Variants in UBAP2 observed in about 807,000 individuals in gnomAD.
UBAP2 encodes the protein ubiquitin-associated protein 2.
In UBAP2, 75 loss-of-function variants were observed where a neutral mutation model predicts 139.6. That is an observed-to-expected ratio of 0.54 (90% CI 0.45 to 0.65). The LOEUF (loss-of-function observed/expected upper bound fraction) is 0.65, where lower values mean the gene tolerates loss of function less well. Ranked by LOEUF, UBAP2 falls within the 30% of genes least tolerant of loss-of-function variation. UBAP2 has a pLI of 0.00. For missense variants in UBAP2, 1,368 were observed against 1,369.6 expected (o/e 1.00, Z 0.02); for synonymous variants, 526 against 526.2 (o/e 1.00, Z 0.01).
intron 1 of UBAP2, among the ~76,000 whole-genome samples, chr9:34,048,484 A>G (rs1021596156): frequency 1.3e-5 from 2 of 152,138 alleles, no homozygotes; most frequent in Admixed American, 6.5e-5. Context: ...GTCTACTGGC[A>G]GGCACCGAGG....
chr9:33,928,729 A>T (rs1823703790), intron 19 of UBAP2: 1 of 152,408 alleles, frequency 6.6e-6, no homozygotes, highest in South Asian at 2.1e-4. Flanking sequence ...CCGAGCAGGT[A>T]GGTGGGGGGC....
intron 3 of UBAP2, 196 bp downstream of exon 3, chr9:33,998,591 T>C (rs943940905): frequency 1.9e-6 from 1 of 523,470 alleles, no homozygotes; most frequent in Non-Finnish European, 3.4e-6. Flanking sequence ...GTAAGGCAGG[T>C]GAACGTATTC....
At chr9:34,010,194 C>T (rs1473106922) in intron 2 of UBAP2, among the ~76,000 whole-genome samples, 1 of 146,644 alleles carries the variant, frequency 6.8e-6, no homozygotes. Flanking sequence ...GAGGTCAAGG[C>T]GGGCAGATCA....
At chr9:34,049,106 T>C (rs1474308551), upstream of UBAP2, among the ~76,000 whole-genome samples, 1 of 152,172 alleles carries the variant, frequency 6.6e-6, no homozygotes, top group Non-Finnish European at 1.5e-5. Flanking sequence ...GGAGACTTGA[T>C]AATATGTATT....
chr9:33,944,127 T>C (rs1307787977), intron 14 of UBAP2, among the ~76,000 whole-genome samples: 1 of 152,144 alleles, frequency 6.6e-6, no homozygotes, highest in African/African-American at 2.4e-5. Context: ...GAACAACAGT[T>C]CTCTGAGCCA....
Position 33,998,787 on chromosome 9 carries a change from C to A in UBAP2, c.177G>T (p.Gln59His). Reference protein sequence around the residue: ...NDSDFEAKVKQLMEVTGKNQD... With the variant: ...NDSDFEAKVKHLMEVTGKNQD... Reference sequence around the variant, plus strand: ...ATGATATCCTTTGCCAGAAACATACCTGCTTAACTTTAGCTTCAAAATCTG... The same window carrying A: ...ATGATATCCTTTGCCAGAAACATACATGCTTAACTTTAGCTTCAAAATCTG... The change falls in exon 3 of 29, where the codon CAG (glutamine) becomes CAT (histidine). Residue 59 changes from glutamine to histidine, a missense_variant and splice_region_variant. Coordinates refer to ENST00000379238, the MANE Select transcript of UBAP2 (RefSeq NM_001370062.2). 1 of 1,610,508 alleles carries A rather than the reference C, an allele frequency of 6.2e-7. No individual in the cohort carries two copies. Among genetic ancestry groups the A allele is most frequent in the Non-Finnish European group, 8.5e-7 (1 of 1,178,720 alleles).
chr9:33,997,222 G>C (rs1276285153), intron 3 of UBAP2: 1 of 152,174 alleles, frequency 6.6e-6, no homozygotes, highest in East Asian at 1.9e-4. Flanking sequence ...ATTCTCATTA[G>C]CAAGAGATAC....
At chr9:33,933,357 A>G in intron 18 of UBAP2, 133 bp downstream of exon 18, 1 of 1,067,304 alleles carries the variant, frequency 9.4e-7, no homozygotes. Flanking sequence ...CCTAAGCTAC[A>G]GTCGTAATGC....
At chr9:34,027,486 A>G (rs1825501569) in intron 1 of UBAP2, among the ~76,000 whole-genome samples, 1 of 151,874 alleles carries the variant, frequency 6.6e-6, no homozygotes, top group South Asian at 2.1e-4. Flanking sequence ...GGAGGCCAAG[A>G]GGGGGAGGAT....
chr9:34,048,920 T>A (rs941267520), upstream of UBAP2: 2 of 152,096 alleles, frequency 1.3e-5, no homozygotes, highest in Non-Finnish European at 2.9e-5. Flanking sequence ...CGGCACAGGC[T>A]GCCCAACCCG....
Position 33,963,803 on chromosome 9 carries a change from T to A in UBAP2, c.680-12A>T, listed in dbSNP as rs1564033204. 1 of 1,604,208 alleles carries A rather than the reference T, an allele frequency of 6.2e-7. No homozygotes were observed. Among genetic ancestry groups the A allele is most frequent in the East Asian group, 2.2e-5 (1 of 44,724 alleles). The stretch of plus-strand genomic sequence containing the variant: ...ATTTGATGCCAGTTCTGTGGACCAA[T>A]GTAAAATTGAGGGTTTAAACATATG... On this transcript the variant is annotated splice_polypyrimidine_tract_variant and intron_variant, in intron 8 of 28. Transcript: ENST00000379238.
intron 15 of UBAP2, among the ~76,000 whole-genome samples, chr9:33,943,121 T>A (rs189999650): frequency 2.0e-3 from 306 of 152,284 alleles, no homozygotes; most frequent in African/African-American, 7.2e-3. Context: ...ACATTAAACA[T>A]GGGTGTACCT....
intron 6 of UBAP2, among the ~76,000 whole-genome samples, chr9:33,974,768 G>A (rs568574587): frequency 2.0e-5 from 3 of 151,610 alleles, no homozygotes; most frequent in East Asian, 2.0e-4. Flanking sequence ...CCTGGCCAAC[G>A]TGGCAAAACC....
At position 33,998,864 on chromosome 9, in the gene UBAP2, C is replaced by T; in HGVS notation, c.100G>A (p.Ala34Thr). ...GCGAGACGCATCTGTTCAGCTGTTG[C>T]CTGGAAAGTACATACAATTGTTAAG... Reference protein sequence around the residue: ...STQPQKQVVQATAEQMRLAQV... With the variant: ...STQPQKQVVQTTAEQMRLAQV... Residue 34 changes from alanine (A) to threonine (T), a missense_variant and splice_region_variant, in exon 3 of 29, where the codon GCA (alanine) becomes ACA (threonine). By Grantham distance (58) the Ala-to-Thr change is moderately conservative. Coordinates refer to ENST00000379238, the MANE Select transcript of UBAP2 (RefSeq NM_001370062.2). 1 of 1,608,742 alleles carries T rather than the reference C, an allele frequency of 6.2e-7. No homozygotes were observed.
In UBAP2 at chr9:33,944,392, A is replaced by G. The variant is rs1409147370; in HGVS notation, c.1518T>C (p.Ala506=). The G allele has an allele frequency of 1.2e-6, 2 of 1,613,728 alleles. No homozygotes were observed. The highest frequency in any genetic ancestry group is 8.5e-7 in the Non-Finnish European group (1 of 1,179,614). Residue 506 remains alanine, a synonymous_variant, in exon 14 of 29, where the codon GCT becomes GCC. Transcript: ENST00000379238. ...TAGAAGCTGGGGGTATCCGCCGCTTAGCAAGTTTGATGTGTTTGGGCTGTG... is the reference window on the plus strand; with the variant it reads ...TAGAAGCTGGGGGTATCCGCCGCTTGGCAAGTTTGATGTGTTTGGGCTGTG... ...HQPQPKHIKL[A]KRRIPPASKI...
chr9:33,952,522 G>GA (rs892685093), intron 12 of UBAP2, among the ~76,000 whole-genome samples: 6 of 151,680 alleles, frequency 4.0e-5, no homozygotes, highest in African/African-American at 7.3e-5. Flanking sequence ...GTCTTAGGGG[G>GA]AAAAAAAAGC....
At position 33,949,146 on chromosome 9, in the gene UBAP2, G is replaced by A. The variant is rs571916039; in HGVS notation, c.1057-559C>T. Among the ~76,000 whole-genome samples the A allele has an allele frequency of 6.0e-5, 9 of 151,226 alleles. No individual in the cohort carries two copies. In the East Asian group the frequency reaches 9.7e-4, roughly 16 times the overall value. On this transcript the variant is annotated intron_variant, in intron 12 of 28. Coordinates refer to ENST00000379238, the MANE Select transcript of UBAP2 (RefSeq NM_001370062.2). ...CACGCCACTGCACTACAGCCTGGGC[G>A]ACAGAGCAAGACTCCATCTCAAAAA...
rs767228813 is a variant in UBAP2 at position 33,922,673 on chromosome 9, A to G, written c.3264+14T>C. On this transcript the variant is annotated intron_variant, in intron 28 of 28. Transcript: ENST00000379238. ...GGCCCAGAGTAGGGTGGCTGCCTCC[A>G]TCACTGTACTCACCTGTGCATCCTG... is the stretch of plus-strand genomic sequence containing the variant. 2 of 1,569,922 alleles carry G rather than the reference A, an allele frequency of 1.3e-6. No individual in the cohort carries two copies. Among genetic ancestry groups the G allele is most frequent in the Admixed American group, 3.7e-5 (2 of 54,740 alleles).
intron 15 of UBAP2, among the ~76,000 whole-genome samples, chr9:33,942,672 G>A (rs1587536079): frequency 6.6e-6 from 1 of 150,958 alleles, no homozygotes; most frequent in Non-Finnish European, 1.5e-5. Flanking sequence ...AGAGGTTGCA[G>A]CGAGCCAAGC....
Sources: gnomAD v4.1 joint callset for allele counts (sites outside exome capture counted in the v4.1 genomes callset) on GRCh38, gnomAD v4.1.1 for gene constraint, MANE v1.5 for transcripts, NCBI Gene and HGNC (gene_info 2026-07-23, HGNC 2026-07-21) for gene names.